The following RIMBP2 variants were observed in gnomAD, a reference collection of about 807,000 sequenced individuals.
RIMBP2 encodes RIMS-binding protein 2.
In RIMBP2, 48 loss-of-function variants were observed where a neutral mutation model predicts 118.6. That is an observed-to-expected ratio of 0.40 (90% CI 0.32 to 0.51). The LOEUF (loss-of-function observed/expected upper bound fraction) is 0.51. RIMBP2 is among the 20% of genes least tolerant of loss of function. RIMBP2 has a pLI of 0.41. For missense variants in RIMBP2, 1,551 were observed against 1,768.3 expected (o/e 0.88, Z 2.20); for synonymous variants, 762 against 742.9 (o/e 1.03, Z -0.42).
At chr12:130,598,201 A>T (rs922193084) in intron 2 of RIMBP2, among the ~76,000 whole-genome samples, 2 of 152,222 alleles carry the variant, frequency 1.3e-5, no homozygotes, top group African/African-American at 4.8e-5. Flanking sequence ...TGCCAACTGA[A>T]AATAACACAA....
At chr12:130,409,417 A>G (rs1211630265) in intron 19 of RIMBP2, among the ~76,000 whole-genome samples, 1 of 130,628 alleles carries the variant, frequency 7.7e-6, no homozygotes. Flanking sequence ...ATCCCGGCTC[A>G]CTGCAAGCTC....
At chr12:130,647,420 A>C (rs897752861) in intron 1 of RIMBP2, among the ~76,000 whole-genome samples, 1 of 109,410 alleles carries the variant, frequency 9.1e-6, no homozygotes, top group Admixed American at 9.2e-5. Context: ...CAAGGGAGTT[A>C]GAGTCAGGAG....
At chr12:130,426,726 G>A (rs2076816995) in intron 15 of RIMBP2, 1 of 152,330 alleles carries the variant, frequency 6.6e-6, no homozygotes, top group Non-Finnish European at 1.5e-5. Flanking sequence ...GCTCAGCCCA[G>A]GAACTTTATG....
chr12:130,549,889 G>A (rs376910621), intron 2 of RIMBP2, among the ~76,000 whole-genome samples: 2 of 152,074 alleles, frequency 1.3e-5, no homozygotes, highest in Non-Finnish European at 2.9e-5. Flanking sequence ...TGGGATTGCT[G>A]GGTCCATGGT....
intron 2 of RIMBP2, among the ~76,000 whole-genome samples, chr12:130,524,725 T>C (rs927953649): frequency 2.0e-5 from 3 of 152,150 alleles, no homozygotes; most frequent in South Asian, 2.1e-4. Context: ...AGAGACCAAT[T>C]TGCACTCATT....
intron 2 of RIMBP2, among the ~76,000 whole-genome samples, chr12:130,542,023 A>G (rs1222129144): frequency 1.3e-5 from 2 of 152,242 alleles, no homozygotes; most frequent in African/African-American, 2.4e-5. Context: ...AACTGGGGGT[A>G]CAGCAAAAAC....
intron 1 of RIMBP2, among the ~76,000 whole-genome samples, chr12:130,646,959 C>T (rs965529174): frequency 6.6e-6 from 1 of 152,222 alleles, no homozygotes; most frequent in African/African-American, 2.4e-5. Flanking sequence ...CCTAGAGGCC[C>T]AGCCTTAGCC....
At chr12:130,455,626 CA>C (rs2079373056) in intron 7 of RIMBP2, among the ~76,000 whole-genome samples, 1 of 152,222 alleles carries the variant, frequency 6.6e-6, no homozygotes, top group Non-Finnish European at 1.5e-5. Flanking sequence ...TTTAGCAAGA[CA>C]CAAGTGGCAT....
intron 2 of RIMBP2, among the ~76,000 whole-genome samples, chr12:130,624,218 T>C (rs868723194): frequency 6.6e-6 from 1 of 152,258 alleles, no homozygotes; most frequent in Admixed American, 6.5e-5. Context: ...TATAGTTTTC[T>C]TTAAAGCACA....
chr12:130,528,301 T>C (rs886754592), intron 2 of RIMBP2, among the ~76,000 whole-genome samples: 2 of 152,144 alleles, frequency 1.3e-5, no homozygotes, highest in East Asian at 1.9e-4. Flanking sequence ...TGCAGGGACA[T>C]GGATGGAGCT....
intron 17 of RIMBP2, among the ~76,000 whole-genome samples, chr12:130,416,130 A>T (rs2136554883): frequency 6.6e-6 from 1 of 152,352 alleles, no homozygotes; most frequent in African/African-American, 2.4e-5. Context: ...TTAGAATATC[A>T]TTAAAGTAGC....
At chr12:130,503,743 T>G (rs1395450169) in intron 4 of RIMBP2, among the ~76,000 whole-genome samples, 1 of 152,228 alleles carries the variant, frequency 6.6e-6, no homozygotes, top group African/African-American at 2.4e-5. Flanking sequence ...TATGCAATTG[T>G]TCATATTTTC....
rs200617616 is a variant in RIMBP2 at position 130,414,200 on chromosome 12, G to A, written c.3345C>T (p.Tyr1115=). 57 of 1,614,188 alleles carry A rather than the reference G, an allele frequency of 3.5e-5. No homozygotes were observed. The Admixed American group carries it at 4.0e-4, about 11-fold the overall frequency. The part of the protein sequence containing the change: ...PARIFVALFD[Y]DPLTMSPNPD... Reference sequence around the variant, plus strand: ...GGTTTGGGGACATGGTGAGCGGGTCGTAGTCAAAGAGAGCCACAAAGATCC... The same window carrying A: ...GGTTTGGGGACATGGTGAGCGGGTCATAGTCAAAGAGAGCCACAAAGATCC... Residue 1115 remains tyrosine (Y), a synonymous_variant, in exon 18 of 23, where the codon TAC becomes TAT. Coordinates refer to ENST00000690449, the MANE Select transcript of RIMBP2 (RefSeq NM_001393629.1).
In RIMBP2 at chr12:130,436,915, C is replaced by T. The variant is rs2077561886; in HGVS notation, c.2033G>A (p.Gly678Asp). ...SPSRILPQPQ[G>D]TPVSTTVAKA... is the part of the protein sequence containing the mutation. ...GGCGACGGTGGTGGACACCGGGGTGCCCTGTGGCTGTGGCAGGATGCGGCT... is the reference window on the plus strand; with the variant it reads ...GGCGACGGTGGTGGACACCGGGGTGTCCTGTGGCTGTGGCAGGATGCGGCT... The change falls in exon 13 of 23, where the codon GGC (glycine) becomes GAC (aspartate). Residue 678 changes from glycine to aspartate, a missense_variant. Gly to Asp is a moderately conservative substitution (Grantham distance 94, BLOSUM62 -1). Coordinates refer to ENST00000690449, the MANE Select transcript of RIMBP2 (RefSeq NM_001393629.1). The T allele has an allele frequency of 6.2e-7, 1 of 1,602,564 alleles. No homozygotes were observed. The highest frequency in any genetic ancestry group is 1.1e-5 in the South Asian group (1 of 89,396).
intron 6 of RIMBP2, among the ~76,000 whole-genome samples, chr12:130,462,959 C>A (rs939931982): frequency 6.6e-6 from 1 of 152,234 alleles, no homozygotes. Context: ...AGAGTCCTGC[C>A]CGCCCACATC....
At chr12:130,642,960 C>T (rs572772133) in intron 1 of RIMBP2, among the ~76,000 whole-genome samples, 2 of 152,280 alleles carry the variant, frequency 1.3e-5, no homozygotes, top group African/African-American at 4.8e-5. Context: ...TCAATTCTTT[C>T]CCCAGAATGG....
chr12:130,456,798 C>T (rs1057407346), intron 6 of RIMBP2, 98 bp from the exon 7 acceptor site: 2 of 860,854 alleles, frequency 2.3e-6, no homozygotes, highest in African/African-American at 3.4e-5. Context: ...CACATGTGCA[C>T]TGTGTGCACG....
rs188373497 is a variant in RIMBP2 at position 130,399,910 on chromosome 12, G to A, written c.3766-97C>T. 1.5e-5 allele frequency: 20 copies of A among 1,367,568 alleles called. No individual in the cohort carries two copies. The East Asian group carries it at 4.6e-4, about 32-fold the overall frequency. 84.7% of individuals were successfully genotyped at this position (1,367,568 alleles called of 1,614,324 possible). ...AATACAGCTCAGAGTACAGGTACAT[G>A]GTGAGTTTATTCTGGTTCAAAAGTG... On this transcript the variant is annotated intron_variant, in intron 21 of 22. Coordinates refer to ENST00000690449, the MANE Select transcript of RIMBP2 (RefSeq NM_001393629.1).
chr12:130,631,589 C>G (rs1191302000), intron 1 of RIMBP2, among the ~76,000 whole-genome samples: 1 of 151,958 alleles, frequency 6.6e-6, no homozygotes, highest in East Asian at 1.9e-4. Context: ...CCCTGAAAGG[C>G]AAAACTGCCC....
Sources: gnomAD v4.1 joint callset for allele counts (sites outside exome capture counted in the v4.1 genomes callset) on GRCh38, gnomAD v4.1.1 for gene constraint, MANE v1.5 for transcripts, NCBI Gene and HGNC (gene_info 2026-07-23, HGNC 2026-07-21) for gene names.